Variants in ZNF334 observed in about 807,000 individuals in gnomAD.
ZNF334 encodes the protein zinc finger protein 334.
Under a neutral mutation model 12.4 loss-of-function variants are expected in ZNF334, and 14 were observed. That is an observed-to-expected ratio of 1.13 (90% confidence interval 0.74 to 1.76). The LOEUF (loss-of-function observed/expected upper bound fraction) is 1.76. Among genes scored for constraint, ZNF334 ranks in the 40% most tolerant of loss-of-function variants. The pLI is 0.00. For missense variants in ZNF334, 797 were observed against 804.5 expected (o/e 0.99, Z 0.11); for synonymous variants, 273 against 269.6 (o/e 1.01, Z -0.12).
At chr20:46,490,399 G>A in the ZNF334 span, among the ~76,000 whole-genome samples, 2 of 152,074 alleles carry the variant, frequency 1.3e-5, no homozygotes. Flanking sequence ...CAATTCTGAT[G>A]TTCAAAGGAA....
the ZNF334 span, among the ~76,000 whole-genome samples, chr20:46,467,017 T>C: frequency 6.6e-6 from 1 of 152,076 alleles, no homozygotes; most frequent in South Asian, 2.1e-4. Context: ...CCTAAGGAAA[T>C]AGTTGTCCAA....
the ZNF334 span, among the ~76,000 whole-genome samples, chr20:46,494,108 G>A: frequency 6.6e-6 from 1 of 152,192 alleles, no homozygotes; most frequent in African/African-American, 2.4e-5. Context: ...TTGATTTCTT[G>A]TTGTATGTCT....
In ZNF334 at chr20:46,502,778, C is replaced by A; in HGVS notation, c.561G>T (p.Arg187Ser). The A allele has an allele frequency of 6.2e-7, 1 of 1,613,856 alleles. No individual in the cohort carries two copies. Among genetic ancestry groups the A allele is most frequent in the Non-Finnish European group, 8.5e-7 (1 of 1,179,986 alleles). ...GATTTTCGTTTTGATTGCTGGCTTT[C>A]CTCATTGGATTGTATCTGTATTTTT... is the stretch of plus-strand genomic sequence containing the variant. ...GMKKYRYNPM[R>S]KASNQNENLI... Residue 187 changes from arginine (R) to serine (S), a missense_variant, in exon 5 of 5, where the codon AGG becomes AGT. By Grantham distance (110) the Arg-to-Ser change is moderately radical (BLOSUM62 -1). Transcript: ENST00000692313.
At chr20:46,506,263 A>C in intron 2 of ZNF334, 1 of 518,066 alleles carries the variant, frequency 1.9e-6, no homozygotes, top group South Asian at 2.9e-5. Flanking sequence ...AACTGATATG[A>C]AGTGAAAAAA....
At chr20:46,477,816 C>A in the ZNF334 span, among the ~76,000 whole-genome samples, 7 of 152,192 alleles carry the variant, frequency 4.6e-5, no homozygotes, top group African/African-American at 1.4e-4. Flanking sequence ...TTAATGAGAT[C>A]ATGAATATGG....
In ZNF334 at chr20:46,502,046, C is replaced by G. The variant is rs2061205347; in HGVS notation, c.1293G>C (p.Lys431Asn). 6.2e-7 allele frequency: 1 copy of G among 1,614,098 alleles called. No individual in the cohort carries two copies. The change falls in exon 5 of 5, where the codon AAG becomes AAC. Residue 431 changes from lysine to asparagine, a missense_variant. By Grantham distance (94) the Lys-to-Asn change is moderately conservative. Transcript: ENST00000692313. ...NVHRRSHTGE[K>N]PYECSQCGKF... is the part of the protein sequence containing the mutation. ...TTCCACATTGACTGCATTCATAGGGCTTCTCTCCTGTATGACTTCTTCGAT... is the reference window on the plus strand; with the variant it reads ...TTCCACATTGACTGCATTCATAGGGGTTCTCTCCTGTATGACTTCTTCGAT...
chr20:46,491,646 A>C, the ZNF334 span: 1 of 152,266 alleles, frequency 6.6e-6, no homozygotes, highest in Non-Finnish European at 1.5e-5. Flanking sequence ...CATACCGGAA[A>C]GAAGTCTTTT....
At chr20:46,466,059 T>A in the ZNF334 span, among the ~76,000 whole-genome samples, 11 of 152,196 alleles carry the variant, frequency 7.2e-5, no homozygotes, top group South Asian at 2.3e-3. Context: ...ATTATCCGTC[T>A]AGCACATATA....
At chr20:46,491,342 A>C in the ZNF334 span, 1 of 152,784 alleles carries the variant, frequency 6.5e-6, no homozygotes, top group South Asian at 2.1e-4. Context: ...TTGTGGAAAA[A>C]CCTTTCACCG....
chr20:46,506,401 T>C (rs2061433340), intron 2 of ZNF334: 1 of 496,156 alleles, frequency 2.0e-6, no homozygotes, highest in Non-Finnish European at 3.6e-6. Flanking sequence ...TGAGGTAGGC[T>C]GATCGCTGGA....
intron 2 of ZNF334, among the ~76,000 whole-genome samples, chr20:46,507,941 G>A (rs2061495881): frequency 6.6e-6 from 1 of 152,106 alleles, no homozygotes; most frequent in African/African-American, 2.4e-5. Flanking sequence ...TGACTAGAAA[G>A]AATGACTGGC....
At chr20:46,504,006 G>T (rs1254028343) in intron 4 of ZNF334, among the ~76,000 whole-genome samples, 1 of 152,170 alleles carries the variant, frequency 6.6e-6, no homozygotes, top group Middle Eastern at 3.2e-3. Context: ...TAACTTAATG[G>T]CAAACATCTT....
rs571483169 is a variant in ZNF334, at chr20:46,503,000, C to A, written c.339G>T (p.Glu113Asp). Residue 113 changes from glutamate (E) to aspartate (D), a missense_variant, in exon 5 of 5, where the codon GAG becomes GAT. By Grantham distance (45) the Glu-to-Asp change is conservative. Coordinates refer to ENST00000692313, the MANE Select transcript of ZNF334 (RefSeq NM_001353824.2). ...FSNKTLITER[E>D]NVFGKTLNLG... is the part of the protein sequence containing the mutation. ...GATTAAGTGTTTTCCCAAATACATT[C>A]TCTCTTTCTGTAATCAGTGTTTTGT... 1 of 1,613,862 alleles carries A rather than the reference C, an allele frequency of 6.2e-7. No individual in the cohort carries two copies. Among genetic ancestry groups the A allele is most frequent in the Non-Finnish European group, 8.5e-7 (1 of 1,179,948 alleles).
the ZNF334 span, among the ~76,000 whole-genome samples, chr20:46,483,858 C>A: frequency 3.3e-5 from 5 of 152,200 alleles, no homozygotes; most frequent in African/African-American, 1.2e-4. Flanking sequence ...CTGTTTATCA[C>A]AGTTTATAAA....
chr20:46,491,377 A>G, the ZNF334 span: 1 of 152,676 alleles, frequency 6.5e-6, no homozygotes, highest in Non-Finnish European at 1.5e-5. Flanking sequence ...CTCAACATCT[A>G]TTAATTCATA....
At chr20:46,468,959 T>C in the ZNF334 span, among the ~76,000 whole-genome samples, 2 of 152,244 alleles carry the variant, frequency 1.3e-5, no homozygotes, top group African/African-American at 4.8e-5. Flanking sequence ...TTCTATAGTT[T>C]CATTTGAAAT....
At position 46,512,397 on chromosome 20, in the gene ZNF334, T is replaced by C. The variant is rs112853447; in HGVS notation, c.-39+143A>G. The C allele has an allele frequency of 1.4e-4, 40 of 278,474 alleles. 1 individual carries two copies. Among genetic ancestry groups the C allele is most frequent in the South Asian group, 7.6e-4 (12 of 15,706 alleles). 17.3% of individuals were successfully genotyped at this position (278,474 alleles called of 1,614,324 possible). The stretch of plus-strand genomic sequence containing the variant: ...CAATCTATGCCTCCTTTGAAAAAAA[T>C]TGAAAACGTCTGAGTCCAATTAATA... On this transcript the variant is annotated intron_variant, in intron 1 of 4. Transcript: ENST00000692313.
chr20:46,507,515 T>C (rs1223092171), intron 2 of ZNF334, among the ~76,000 whole-genome samples: 1 of 152,326 alleles, frequency 6.6e-6, no homozygotes, highest in African/African-American at 2.4e-5. Flanking sequence ...ATCACTATAA[T>C]ATAGTTTTGA....
At chr20:46,497,057 C>T (rs1030427425), downstream of ZNF334, among the ~76,000 whole-genome samples, 2 of 152,222 alleles carry the variant, frequency 1.3e-5, no homozygotes, top group African/African-American at 4.8e-5. Context: ...ATCTACAGAA[C>T]ATACATATGG....
Sources: gnomAD v4.1 joint callset for allele counts (sites outside exome capture counted in the v4.1 genomes callset) on GRCh38, gnomAD v4.1.1 for gene constraint, MANE v1.5 for transcripts, NCBI Gene and HGNC (gene_info 2026-07-23, HGNC 2026-07-21) for gene names.